The following THBS4 variants were observed in gnomAD, a reference collection of about 807,000 sequenced individuals.
The protein encoded by THBS4 is thrombospondin-4.
Under a neutral mutation model 115.7 loss-of-function variants are expected in THBS4, and 90 were observed. The observed-to-expected ratio is 0.78, with a 90% CI of 0.66 to 0.93. The LOEUF is 0.93. THBS4 is among the 40% of genes least tolerant of loss of function. The probability of loss-of-function intolerance (pLI) is 0.00; values close to 1 mark genes in which losing one functional copy is unlikely to be tolerated. For missense variants in THBS4, 1,087 were observed against 1,232.7 expected (o/e 0.88, Z 1.77); for synonymous variants, 460 against 479.3 (o/e 0.96, Z 0.53).
At chr5:80,025,879 T>A (rs1832467748) in intron 2 of THBS4, among the ~76,000 whole-genome samples, 1 of 152,228 alleles carries the variant, frequency 6.6e-6, no homozygotes. Context: ...AGTCAATTTT[T>A]AAATGTGGTA....
chr5:80,046,145 T>G (rs2112051824), intron 2 of THBS4, among the ~76,000 whole-genome samples: 1 of 152,240 alleles, frequency 6.6e-6, no homozygotes, highest in South Asian at 2.1e-4. Context: ...AATGGGAGAT[T>G]AACAGGTGAT....
intron 2 of THBS4, among the ~76,000 whole-genome samples, chr5:80,051,818 C>T (rs747103272): frequency 6.6e-6 from 1 of 152,130 alleles, no homozygotes; most frequent in African/African-American, 2.4e-5. Context: ...AAATTAAAGC[C>T]AGCTATTTAG....
rs370928395 is a variant in THBS4 at position 80,078,986 on chromosome 5, A to G, written c.2314+17A>G. 24 of 1,613,904 alleles carry G rather than the reference A, an allele frequency of 1.5e-5. No individual in the cohort carries two copies. The highest frequency in any genetic ancestry group is 1.9e-5 in the Non-Finnish European group (22 of 1,179,918). On this transcript the variant is annotated intron_variant, in intron 18 of 21. Transcript: ENST00000350881. ...TGGCAGTGGGTATGTCCAGGGCCTC[A>G]GTTGCCACTCACATAGAATTCTTCC...
In THBS4 at chr5:79,992,725, A is replaced by G. The variant is rs370002345; in HGVS notation, n.81+1313A>G. ...GGAGTTTACAGTGCACAAAGGAGATATACACACACCAAGGTGTAACAAGTC... is the reference window on the plus strand; with the variant it reads ...GGAGTTTACAGTGCACAAAGGAGATGTACACACACCAAGGTGTAACAAGTC... On this transcript the variant is annotated intron_variant and non_coding_transcript_variant, in intron 1 of 3. Coordinates refer to the THBS4 transcript ENST00000510218. Among the ~76,000 whole-genome samples, 13 of 152,334 alleles carry G rather than the reference A, an allele frequency of 8.5e-5. No homozygotes were observed. In the East Asian group the frequency reaches 2.1e-3, roughly 25 times the overall value.
At chr5:79,994,735 G>A (rs548957977) in intron 1 of THBS4, among the ~76,000 whole-genome samples, 2 of 152,358 alleles carry the variant, frequency 1.3e-5, no homozygotes, top group East Asian at 3.9e-4. Flanking sequence ...GAGCCCAGGA[G>A]GAGAAGATTG....
Position 80,073,315 on chromosome 5 carries a change from C to T in THBS4, c.1880C>T (p.Thr627Ile), listed in dbSNP as rs1322729671. ...DNDLVGDSCD[T>I]NQDSDGDGHQ... ...GATCTGGTTGGGGACTCCTGTGACA[C>T]CAATCAGGACAGGTATGGCATGTCT... The change falls in exon 15 of 22, where the codon ACC becomes ATC. Residue 627 changes from threonine to isoleucine, a missense_variant. By Grantham distance (89) the Thr-to-Ile change is moderately conservative. This residue lies in a region of THBS4 where 979 missense variants were observed against 1,103.7 expected (regional missense o/e 0.89). Transcript: ENST00000350881. The T allele has an allele frequency of 1.2e-6, 2 of 1,613,850 alleles. No homozygotes were observed. Among genetic ancestry groups the T allele is most frequent in the African/African-American group, 1.3e-5 (1 of 74,970 alleles).
chr5:80,022,780 A>G (rs1832403650), intron 2 of THBS4, among the ~76,000 whole-genome samples: 1 of 152,254 alleles, frequency 6.6e-6, no homozygotes, highest in Non-Finnish European at 1.5e-5. Context: ...AGCCCTGTTG[A>G]CAAGTGCAGT....
At chr5:80,032,324 G>T (rs1832601285), upstream of THBS4, among the ~76,000 whole-genome samples, 1 of 152,176 alleles carries the variant, frequency 6.6e-6, no homozygotes, top group African/African-American at 2.4e-5. Flanking sequence ...CTAACAGAAA[G>T]TCATTTGATT....
chr5:80,034,654 T>C (rs1358814268), upstream of THBS4, among the ~76,000 whole-genome samples: 2 of 152,178 alleles, frequency 1.3e-5, no homozygotes, highest in Non-Finnish European at 2.9e-5. Flanking sequence ...GAAACCATAC[T>C]GAAAACGAAT....
chr5:80,050,595 C>T (rs1026826986), intron 2 of THBS4, among the ~76,000 whole-genome samples: 5 of 152,160 alleles, frequency 3.3e-5, no homozygotes, highest in Non-Finnish European at 5.9e-5. Context: ...GGGGATTGCT[C>T]AGACTCTTGG....
chr5:80,014,934 C>G (rs918904387), intron 2 of THBS4, among the ~76,000 whole-genome samples: 1 of 152,240 alleles, frequency 6.6e-6, no homozygotes, highest in African/African-American at 2.4e-5. Context: ...CACTCAATAA[C>G]TGACGTCTTT....
At chr5:80,028,539 A>G (rs565240900) in intron 2 of THBS4, among the ~76,000 whole-genome samples, 1 of 149,742 alleles carries the variant, frequency 6.7e-6, no homozygotes, top group African/African-American at 2.5e-5. Context: ...GCTCACTGCA[A>G]CCTCCACCTC....
At chr5:80,056,497 A>C (rs1833437163) in intron 3 of THBS4, among the ~76,000 whole-genome samples, 1 of 152,232 alleles carries the variant, frequency 6.6e-6, no homozygotes, top group Non-Finnish European at 1.5e-5. Context: ...TTGTCAGAAC[A>C]TCCACTAACA....
At chr5:80,046,451 AG>A (rs1833068485) in intron 2 of THBS4, among the ~76,000 whole-genome samples, 1 of 152,270 alleles carries the variant, frequency 6.6e-6, no homozygotes, top group African/African-American at 2.4e-5. Context: ...AAAGAAGGGA[AG>A]GGTGGATTCT....
intron 2 of THBS4, among the ~76,000 whole-genome samples, chr5:80,018,771 TTAAGTA>T (rs1271892564): frequency 6.6e-6 from 1 of 152,224 alleles, no homozygotes; most frequent in Non-Finnish European, 1.5e-5. Flanking sequence ...TTAAAGCATA[TTAAGTA>T]TATTTATTGT....
At position 80,035,517 on chromosome 5, in the gene THBS4, CG is replaced by C; in HGVS notation, c.-17del. On this transcript the variant is annotated 5_prime_UTR_variant, in exon 1 of 22. Coordinates refer to ENST00000350881, the MANE Select transcript of THBS4 (RefSeq NM_003248.6). The surrounding 1 kb of genome is among the most constrained non-coding windows in gnomAD (Gnocchi z 4.6). ...AACGCCGCCGTCGCCCCCGGCCTCGCGGGGAGCAGGAAGAGCCAACATGCTG... is the reference window on the plus strand; with the variant it reads ...AACGCCGCCGTCGCCCCCGGCCTCGCGGGAGCAGGAAGAGCCAACATGCTG... 7.5e-7 allele frequency: 1 copy of C among 1,326,620 alleles called. No homozygotes were observed. The highest frequency in any genetic ancestry group is 9.6e-7 in the Non-Finnish European group (1 of 1,037,510). The allele number at this position is 1,326,620 out of a possible 1,614,324, so 82.2% of individuals were successfully genotyped here.
intron 2 of THBS4, among the ~76,000 whole-genome samples, chr5:80,006,411 C>T (rs993794104): frequency 2.0e-5 from 3 of 152,228 alleles, no homozygotes; most frequent in African/African-American, 4.8e-5. Context: ...TCTTTGCCTG[C>T]TGCCATCCAT....
chr5:80,006,460 T>C (rs1832021736), intron 2 of THBS4, among the ~76,000 whole-genome samples: 1 of 152,242 alleles, frequency 6.6e-6, no homozygotes, highest in Non-Finnish European at 1.5e-5. Context: ...TCTGCCATGA[T>C]TGTGAGGCTT....
chr5:80,067,944 G>T (rs1199386284), intron 9 of THBS4, 29 bp from the exon 10 acceptor site: 2 of 1,611,440 alleles, frequency 1.2e-6, no homozygotes, highest in Admixed American at 3.4e-5. Context: ...ACAGCTTTCA[G>T]CTCATCACCT....
Sources: allele counts gnomAD v4.1 joint callset (sites outside exome capture counted in the v4.1 genomes callset), GRCh38; gene constraint gnomAD v4.1.1; regional missense constraint gnomAD v4.1.1; non-coding constraint Gnocchi (gnomAD v3.1); transcripts MANE v1.5; gene names NCBI Gene and HGNC (gene_info 2026-07-23, HGNC 2026-07-21).